Variants in LNPEP observed in about 807,000 individuals in gnomAD.
LNPEP encodes the protein leucyl and cystinyl aminopeptidase.
LNPEP carries 64 observed loss-of-function variants against 120.6 expected under a neutral mutation model. That is an observed-to-expected ratio of 0.53 (90% confidence interval 0.43 to 0.65). The LOEUF (loss-of-function observed/expected upper bound fraction) is 0.65. Among genes scored for constraint, LNPEP ranks in the 30% least tolerant of loss-of-function variants. The probability of loss-of-function intolerance (pLI) is 0.00; values close to 1 mark genes in which losing one functional copy is unlikely to be tolerated. For synonymous variants in LNPEP, 435 were observed against 425.4 expected (o/e 1.02, Z -0.28); for missense variants, 1,057 against 1,200.0 (o/e 0.88, Z 1.76).
intron 1 of LNPEP, among the ~76,000 whole-genome samples, chr5:96,973,458 C>T (rs1026408825): frequency 6.6e-6 from 1 of 152,010 alleles, no homozygotes; most frequent in African/African-American, 2.4e-5. Context: ...CTGTCCCATA[C>T]TTGGAACTTA....
At chr5:96,983,711 T>C (rs1403613405) in intron 2 of LNPEP, among the ~76,000 whole-genome samples, 1 of 152,176 alleles carries the variant, frequency 6.6e-6, no homozygotes, top group East Asian at 1.9e-4. Flanking sequence ...CCTCCCAAAG[T>C]GCTGGGATTT....
intron 1 of LNPEP, among the ~76,000 whole-genome samples, chr5:96,951,433 A>G (rs1230585958): frequency 1.3e-5 from 2 of 151,768 alleles, no homozygotes; most frequent in Admixed American, 1.3e-4. Flanking sequence ...AATTTTTTGT[A>G]TTTTTTAGTA....
intron 1 of LNPEP, among the ~76,000 whole-genome samples, chr5:96,960,610 C>T (rs997464882): frequency 3.3e-5 from 5 of 152,062 alleles, no homozygotes; most frequent in Non-Finnish European, 7.4e-5. Flanking sequence ...TTTATGATGA[C>T]CATAAATCTC....
chr5:96,983,235 G>A (rs950103887), intron 2 of LNPEP, among the ~76,000 whole-genome samples: 1 of 152,148 alleles, frequency 6.6e-6, no homozygotes, highest in Non-Finnish European at 1.5e-5. Context: ...AGCCCAAAAT[G>A]AGAGAGGCTA....
chr5:96,993,906 A>G lies in LNPEP; in HGVS notation c.1342A>G (p.Asn448Asp). ...FREETLLYDS[N>D]TSSMADRKLV... is the part of the protein sequence containing the mutation. The stretch of plus-strand genomic sequence containing the variant: ...AGAGGAGACACTTCTGTATGACAGT[A>G]ACACTTCTTCAATGGCGGATAGAAA... Residue 448 changes from asparagine to aspartate, a missense_variant, in exon 6 of 18, where the codon AAC (asparagine) becomes GAC (aspartate). Transcript: ENST00000231368. The G allele has an allele frequency of 6.2e-7, 1 of 1,613,902 alleles. No individual in the cohort carries two copies. Among genetic ancestry groups the G allele is most frequent in the South Asian group, 1.1e-5 (1 of 91,084 alleles).
chr5:96,985,115 C>G lies in LNPEP; in HGVS notation c.896C>G (p.Ala299Gly). Residue 299 changes from alanine to glycine, a missense_variant, in exon 3 of 18, where the codon GCA (alanine) becomes GGA (glycine). Transcript: ENST00000231368. ...GCAACTCAGTTTGAACCCCTGGCAG[C>G]AAGATCTGCTTTTCCTTGTTTTGAT... ...FAATQFEPLA[A>G]RSAFPCFDEP... 1 of 1,613,998 alleles carries G rather than the reference C, an allele frequency of 6.2e-7. No homozygotes were observed. Among genetic ancestry groups the G allele is most frequent in the Non-Finnish European group, 8.5e-7 (1 of 1,179,900 alleles).
intron 11 of LNPEP, among the ~76,000 whole-genome samples, chr5:97,007,349 A>G (rs1181564022): frequency 6.6e-6 from 1 of 152,130 alleles, no homozygotes; most frequent in African/African-American, 2.4e-5. Flanking sequence ...TTGATCACTT[A>G]TATGATTTTA....
At chr5:97,024,136 C>T (rs1214479544) in intron 14 of LNPEP, among the ~76,000 whole-genome samples, 1 of 152,182 alleles carries the variant, frequency 6.6e-6, no homozygotes, top group African/African-American at 2.4e-5. Flanking sequence ...TTTCTCCCTG[C>T]ACCCCATTTA....
At chr5:96,984,224 G>T (rs1790189275) in intron 2 of LNPEP, among the ~76,000 whole-genome samples, 1 of 152,160 alleles carries the variant, frequency 6.6e-6, no homozygotes, top group Admixed American at 6.5e-5. Flanking sequence ...ATTATTGCCA[G>T]AACAACTCAA....
At chr5:96,980,018 A>G in intron 2 of LNPEP, 40 bp downstream of exon 2, 33 of 1,532,236 alleles carry the variant, frequency 2.2e-5, no homozygotes, top group Non-Finnish European at 2.8e-5. Context: ...TTACGCTCTG[A>G]TAACTTCTGC....
At chr5:96,985,322 A>G (rs1661562738) in intron 3 of LNPEP, 104 bp downstream of exon 3, 1 of 850,634 alleles carries the variant, frequency 1.2e-6, no homozygotes, top group Non-Finnish European at 1.7e-6. Flanking sequence ...GATTAAAATC[A>G]TATACATTAA....
At chr5:96,955,802 A>C (rs1398423165) in intron 1 of LNPEP, among the ~76,000 whole-genome samples, 2 of 152,238 alleles carry the variant, frequency 1.3e-5, no homozygotes, top group Non-Finnish European at 2.9e-5. Context: ...TCTCTGGGGT[A>C]AATTCCCATA....
rs937973980 is a variant in LNPEP at position 97,037,028 on chromosome 5, G to A, written c.*8495G>A. ...GTGTAAACCATCAGTACAATAATAC[G>A]CTGTGTATGTATGTGTATATAAAAT... On this transcript the variant is annotated 3_prime_UTR_variant, in exon 18 of 18. Coordinates refer to ENST00000231368, the MANE Select transcript of LNPEP (RefSeq NM_005575.3). 5 of 152,096 alleles carry A rather than the reference G, an allele frequency of 3.3e-5. No homozygotes were observed. Among genetic ancestry groups the A allele is most frequent in the South Asian group, 2.1e-4 (1 of 4,830 alleles). 9.4% of individuals were successfully genotyped at this position (152,096 alleles called of 1,614,324 possible). A position where few individuals can be genotyped will look rare whatever the true frequency, so the allele number is the denominator to read the frequency against.
In LNPEP at chr5:97,032,181, C is replaced by G. The variant is rs1791482826; in HGVS notation, c.*3648C>G. ...CCATGGATATGACATAGCTTTTCTT[C>G]TCACCTATGCCTTTGTTACTTTTGT... On this transcript the variant is annotated 3_prime_UTR_variant, in exon 18 of 18. Transcript: ENST00000231368. 1 of 152,192 alleles carries G rather than the reference C, an allele frequency of 6.6e-6. No homozygotes were observed. The highest frequency in any genetic ancestry group is 6.5e-5 in the Admixed American group (1 of 15,272). 9.4% of individuals were successfully genotyped at this position (152,192 alleles called of 1,614,324 possible). A position where few individuals can be genotyped will look rare whatever the true frequency, so the allele number is the denominator to read the frequency against.
intron 1 of LNPEP, among the ~76,000 whole-genome samples, chr5:96,961,151 A>G (rs947033187): frequency 6.6e-6 from 1 of 152,182 alleles, no homozygotes; most frequent in African/African-American, 2.4e-5. Flanking sequence ...TGCTTCTCCT[A>G]TTATTTGAAA....
rs369518351 is a variant in LNPEP, at chr5:97,006,173, T to G, written c.1886T>G (p.Phe629Cys). ...VTVQKKGKEL[F>C]IQQERFFLNM... Reference sequence around the variant, plus strand: ...GTTCAAAAGAAAGGAAAGGAACTTTTTATACAACAAGAGAGATTCTTTTTA... The same window carrying G: ...GTTCAAAAGAAAGGAAAGGAACTTTGTATACAACAAGAGAGATTCTTTTTA... The change falls in exon 10 of 18, where the codon TTT becomes TGT. Residue 629 changes from phenylalanine (F) to cysteine (C), a missense_variant. Physicochemically the swap from Phe to Cys is radical, Grantham distance 205. Coordinates refer to ENST00000231368, the MANE Select transcript of LNPEP (RefSeq NM_005575.3). The G allele has an allele frequency of 4.4e-6, 7 of 1,606,114 alleles. No individual in the cohort carries two copies. Among genetic ancestry groups the G allele is most frequent in the Non-Finnish European group, 6.0e-6 (7 of 1,176,176 alleles).
intron 11 of LNPEP, among the ~76,000 whole-genome samples, chr5:97,012,816 T>C (rs76805476): frequency 0.037 from 5,690 of 152,278 alleles, 184 homozygotes; most frequent in Middle Eastern, 0.11. Context: ...TCTCTCAGCA[T>C]TTATAGTAGA....
In LNPEP at chr5:96,993,144, C is replaced by A; in HGVS notation, c.1252+9C>A. On this transcript the variant is annotated intron_variant, in intron 5 of 17. Transcript: ENST00000231368. ...CCCACTTAAGAAATTGGGTAAGAAT[C>A]AAATAGTGTGTCTGATTTTTGTTAT... 1 of 1,547,402 alleles carries A rather than the reference C, an allele frequency of 6.5e-7. No homozygotes were observed. The highest frequency in any genetic ancestry group is 1.2e-5 in the South Asian group (1 of 82,570).
rs1362664786 is a variant in LNPEP, at chr5:97,030,204, A to ATT, written c.*1673_*1674dup. ...CTTTAATCCTAGTGTGTTTTCCCCA[A>ATT]TTTAGTCTTTTCTAAAATTTATCTG... On this transcript the variant is annotated 3_prime_UTR_variant, in exon 18 of 18. Coordinates refer to ENST00000231368, the MANE Select transcript of LNPEP (RefSeq NM_005575.3). The ATT allele has an allele frequency of 6.6e-6, 1 of 152,076 alleles. No homozygotes were observed. Among genetic ancestry groups the ATT allele is most frequent in the African/African-American group, 2.4e-5 (1 of 41,434 alleles). The allele number at this position is 152,076 out of a possible 1,614,324, so 9.4% of individuals were successfully genotyped here. A position where few individuals can be genotyped will look rare whatever the true frequency, so the allele number is the denominator to read the frequency against.
Sources: gnomAD v4.1 joint callset for allele counts (sites outside exome capture counted in the v4.1 genomes callset) on GRCh38, gnomAD v4.1.1 for gene constraint, MANE v1.5 for transcripts, NCBI Gene and HGNC (gene_info 2026-07-23, HGNC 2026-07-21) for gene names.